Variants in BRI3BP observed in about 807,000 individuals in gnomAD.
BRI3BP encodes the protein BRI3-binding protein.
In BRI3BP, 7 loss-of-function variants were observed where a neutral mutation model predicts 15.8. The ratio of observed to expected loss-of-function variants is 0.44; its 90% CI spans 0.25 to 0.83. The LOEUF (loss-of-function observed/expected upper bound fraction) is 0.83. BRI3BP is among the 40% of genes least tolerant of loss of function. BRI3BP has a pLI of 0.20. For missense variants in BRI3BP, 320 were observed against 339.3 expected (o/e 0.94, Z 0.45); for synonymous variants, 192 against 163.5 (o/e 1.17, Z -1.33).
At chr12:125,020,362 A>G (rs564083961) in intron 2 of BRI3BP, among the ~76,000 whole-genome samples, 50 of 152,308 alleles carry the variant, frequency 3.3e-4, no homozygotes, top group African/African-American at 1.1e-3. Flanking sequence ...TGTGTCTCAC[A>G]TGAAGGAACA....
chr12:125,045,416 C>T, the BRI3BP span, among the ~76,000 whole-genome samples: 6 of 152,182 alleles, frequency 3.9e-5, no homozygotes, highest in African/African-American at 1.4e-4. Context: ...CGGCTCACTG[C>T]AACCTCCGCC....
Position 125,012,545 on chromosome 12 carries a change from G to A in BRI3BP, c.225G>A (p.Arg75=). 6.2e-7 allele frequency: 1 copy of A among 1,610,184 alleles called. No homozygotes were observed. The highest frequency in any genetic ancestry group is 1.3e-5 in the African/African-American group (1 of 74,954). ...TCTTGTTTCTGCAGTTCTTGGCCAG[G>A]CTGACTGAGAGATTTGTGCTGGGAG... ...NVRAAQKFLA[R]LTERFVLGVD... is the part of the protein sequence containing the mutation. The change falls in exon 2 of 3, where the codon AGG becomes AGA. Residue 75 remains arginine (R), a synonymous_variant. Transcript: ENST00000341446.
rs995885106 is a variant in BRI3BP at position 125,008,376 on chromosome 12, G to A, written c.214-4158G>A. ...CGCCCAGGCTGGAGTGCAGTGGCGC[G>A]ATCTCGGCTCACTGCAAGCTCCGCC... On this transcript the variant is annotated intron_variant, in intron 1 of 2. Transcript: ENST00000341446. Among the ~76,000 whole-genome samples the A allele has an allele frequency of 4.9e-5, 7 of 144,260 alleles. No homozygotes were observed. The East Asian group carries it at 8.2e-4, about 17-fold the overall frequency. 94.6% of individuals were successfully genotyped at this position (144,260 alleles called of 152,430 possible).
At chr12:125,040,489 C>T in the BRI3BP span, among the ~76,000 whole-genome samples, 34 of 151,262 alleles carry the variant, frequency 2.2e-4, no homozygotes, top group African/African-American at 8.0e-4. Context: ...GGATTACAGG[C>T]ATGCGCCACC....
chr12:125,018,851 G>C (rs571945516), intron 2 of BRI3BP, among the ~76,000 whole-genome samples: 1 of 151,178 alleles, frequency 6.6e-6, no homozygotes, highest in African/African-American at 2.4e-5. Context: ...GGCTAATTCT[G>C]TTTTTGTTTT....
rs1955278838 is a variant in BRI3BP at position 125,019,660 on chromosome 12, C to CTTTTTTTTTTTTTTTTTTTTT, written c.317-5325_317-5324insTTTTTTTTTTTTTTTTTTTTT. ...CTTTTTTTTTTTTTTTTTTTTTTGC[C>CTTTTTTTTTTTTTTTTTTTTT]TTTTTTGCTGTGAGTACTTGAAAAT... On this transcript the variant is annotated intron_variant, in intron 2 of 2. Transcript: ENST00000341446. Among the ~76,000 whole-genome samples the CTTTTTTTTTTTTTTTTTTTTT allele has an allele frequency of 7.5e-3, 184 of 24,674 alleles. 25 individuals carry two copies. The highest frequency in any genetic ancestry group is 0.016 in the South Asian group (9 of 574). 16.2% of individuals were successfully genotyped at this position (24,674 alleles called of 152,430 possible). A position where few individuals can be genotyped will look rare whatever the true frequency, so the allele number is the denominator to read the frequency against.
chr12:125,050,142 C>T, the BRI3BP span, among the ~76,000 whole-genome samples: 1 of 151,998 alleles, frequency 6.6e-6, no homozygotes, highest in African/African-American at 2.4e-5. Context: ...CACGAGGTCA[C>T]GAGATCGAGA....
chr12:125,020,891 T>A (rs1252729320), intron 2 of BRI3BP, among the ~76,000 whole-genome samples: 2 of 152,000 alleles, frequency 1.3e-5, no homozygotes, highest in Non-Finnish European at 2.9e-5. Flanking sequence ...AATAAATAAA[T>A]AAATAAATAA....
At chr12:125,007,734 G>A (rs946368446) in intron 1 of BRI3BP, among the ~76,000 whole-genome samples, 18 of 150,804 alleles carry the variant, frequency 1.2e-4, no homozygotes, top group Admixed American at 8.6e-4. Context: ...AAAAAAAAAA[G>A]AGCGTACATT....
intron 1 of BRI3BP, among the ~76,000 whole-genome samples, chr12:125,005,920 A>G (rs1955139552): frequency 6.6e-6 from 1 of 152,092 alleles, no homozygotes; most frequent in Admixed American, 6.6e-5. Context: ...AACAGCAGAC[A>G]TACATTTTCT....
intron 1 of BRI3BP, among the ~76,000 whole-genome samples, chr12:125,004,178 T>A (rs1229157559): frequency 6.6e-6 from 1 of 152,260 alleles, no homozygotes; most frequent in Non-Finnish European, 1.5e-5. Context: ...TTAAATTTTT[T>A]TAAAATTTTT....
rs1804002188 is a variant in BRI3BP, at chr12:125,028,695, G to A, written c.*3265G>A. Reference sequence around the variant, plus strand: ...TAGATGCTAGATTTGAAGAAAACCTGGGTTTTATTGCATAGATTTCACCTT... The same window carrying A: ...TAGATGCTAGATTTGAAGAAAACCTAGGTTTTATTGCATAGATTTCACCTT... On this transcript the variant is annotated 3_prime_UTR_variant, in exon 3 of 3. Coordinates refer to ENST00000341446, the MANE Select transcript of BRI3BP (RefSeq NM_080626.6). 6.6e-6 allele frequency: 1 copy of A among 152,026 alleles called. No homozygotes were observed. The highest frequency in any genetic ancestry group is 2.1e-4 in the South Asian group (1 of 4,816). 9.4% of individuals were successfully genotyped at this position (152,026 alleles called of 1,614,324 possible).
chr12:125,018,652 G>A (rs1002801312), intron 2 of BRI3BP, among the ~76,000 whole-genome samples: 1 of 151,534 alleles, frequency 6.6e-6, no homozygotes, highest in African/African-American at 2.4e-5. Flanking sequence ...CAAACAAACT[G>A]AGAGAATAAA....
chr12:125,002,220 A>G (rs1427576492), intron 1 of BRI3BP, among the ~76,000 whole-genome samples: 2 of 152,144 alleles, frequency 1.3e-5, no homozygotes, highest in African/African-American at 2.4e-5. Context: ...TTTGCGGTGC[A>G]TACCTAGGAG....
At chr12:125,037,383 C>T in the BRI3BP span, among the ~76,000 whole-genome samples, 1 of 152,178 alleles carries the variant, frequency 6.6e-6, no homozygotes, top group Non-Finnish European at 1.5e-5. Flanking sequence ...GATCTAGTCC[C>T]TAAATCACCC....
rs1955391711 is a variant in BRI3BP at position 125,029,574 on chromosome 12, A to ATG, written c.*4145_*4146insGT. 6.9e-6 allele frequency: 1 copy of ATG among 145,516 alleles called. No homozygotes were observed. Among genetic ancestry groups the ATG allele is most frequent in the African/African-American group, 2.7e-5 (1 of 36,920 alleles). The allele number at this position is 145,516 out of a possible 1,614,324, so 9.0% of individuals were successfully genotyped here. ...TGTGTGTGTGTATATATATGTATAT[A>ATG]TATATACACACACACACACTTTCCA... On this transcript the variant is annotated 3_prime_UTR_variant, in exon 3 of 3. Coordinates refer to ENST00000341446, the MANE Select transcript of BRI3BP (RefSeq NM_080626.6).
intron 1 of BRI3BP, among the ~76,000 whole-genome samples, chr12:125,006,398 G>A (rs138734367): frequency 5.8e-4 from 89 of 152,308 alleles, no homozygotes; most frequent in African/African-American, 1.9e-3. Flanking sequence ...TCTCCTGCCC[G>A]GGGCCAGTTT....
chr12:125,004,635 A>G (rs141931000), intron 1 of BRI3BP, among the ~76,000 whole-genome samples: 12 of 152,256 alleles, frequency 7.9e-5, no homozygotes, highest in East Asian at 5.8e-4. Flanking sequence ...TTCATGTTCT[A>G]TTAATGAACC....
At position 125,029,454 on chromosome 12, in the gene BRI3BP, C is replaced by T. The variant is rs984149647; in HGVS notation, c.*4024C>T. On this transcript the variant is annotated 3_prime_UTR_variant, in exon 3 of 3. Coordinates refer to ENST00000341446, the MANE Select transcript of BRI3BP (RefSeq NM_080626.6). ...GGCTGAGGTGGGAGAATTGTATGAA[C>T]CTGGGAGGCAGAGGTTGCAGTGAAC... is the stretch of plus-strand genomic sequence containing the variant. The T allele has an allele frequency of 2.0e-5, 3 of 149,876 alleles. No homozygotes were observed. The highest frequency in any genetic ancestry group is 6.7e-5 in the Admixed American group (1 of 15,000). The allele number at this position is 149,876 out of a possible 1,614,324, so 9.3% of individuals were successfully genotyped here. A position where few individuals can be genotyped will look rare whatever the true frequency, so the allele number is the denominator to read the frequency against.
Sources: gnomAD v4.1 joint callset for allele counts (sites outside exome capture counted in the v4.1 genomes callset) on GRCh38, gnomAD v4.1.1 for gene constraint, MANE v1.5 for transcripts, NCBI Gene and HGNC (gene_info 2026-07-23, HGNC 2026-07-21) for gene names.